Variants in RAPH1 observed in about 807,000 individuals in gnomAD.
RAPH1 encodes Ras association (RalGDS/AF-6) and pleckstrin homology domains 1, also known as ras-associated and pleckstrin homology domains-containing protein 1.
RAPH1 carries 18 observed loss-of-function variants against 88.1 expected under a neutral mutation model. That is an observed-to-expected ratio of 0.20 (90% CI 0.14 to 0.30). The LOEUF (loss-of-function observed/expected upper bound fraction) is 0.30. RAPH1 is among the 10% of genes least tolerant of loss of function. The probability of loss-of-function intolerance (pLI) is 1.00; values close to 1 mark genes in which losing one functional copy is unlikely to be tolerated. For synonymous variants in RAPH1, 587 were observed against 559.0 expected, an observed-to-expected ratio of 1.05 and a Z score of -0.71; for missense variants, 1,448 against 1,543.2, an observed-to-expected ratio of 0.94 and a Z score of 1.03.
chr2:203,468,066 T>C (rs1476011706), intron 4 of RAPH1, among the ~76,000 whole-genome samples: 1 of 152,192 alleles, frequency 6.6e-6, no homozygotes, highest in Non-Finnish European at 1.5e-5. Context: ...CCACTGACCA[T>C]GTTTATCCAA....
rs77601285 is a variant in RAPH1 at position 203,498,529 on chromosome 2, C to T, written c.1-3176G>A. Among the ~76,000 whole-genome samples the T allele has an allele frequency of 1.1e-3, 170 of 152,284 alleles. 6 individuals carry two copies. In the East Asian group the frequency reaches 0.032, roughly 29 times the overall value. Reference sequence around the variant, plus strand: ...ATCAGAAAGGGTGGCAAGCTCCGTTCTTGGAGAAGGGCTTAGAGGACAGCA... The same window carrying T: ...ATCAGAAAGGGTGGCAAGCTCCGTTTTTGGAGAAGGGCTTAGAGGACAGCA... On this transcript the variant is annotated intron_variant, in intron 1 of 13. Coordinates refer to ENST00000319170, the MANE Select transcript of RAPH1 (RefSeq NM_213589.3).
intron 1 of RAPH1, among the ~76,000 whole-genome samples, chr2:203,525,850 A>G (rs2105986318): frequency 6.6e-6 from 1 of 152,296 alleles, no homozygotes; most frequent in Admixed American, 6.5e-5. Flanking sequence ...GATTTAATTA[A>G]TACAAAGTTA....
intron 1 of RAPH1, among the ~76,000 whole-genome samples, chr2:203,529,922 G>A (rs1217505255): frequency 6.6e-6 from 1 of 151,964 alleles, no homozygotes; most frequent in Non-Finnish European, 1.5e-5. Flanking sequence ...CTTCTTTGTG[G>A]TCCCTGCGTC....
chr2:203,517,359 CAAAAAAAAAAAAA>C (rs71408943), intron 1 of RAPH1, among the ~76,000 whole-genome samples: 2 of 32,150 alleles, frequency 6.2e-5, no homozygotes, highest in Admixed American at 8.0e-4. Context: ...CTATGAGAGG[CAAAAAAAAAAAAA>C]AAAAAAAAAA....
At chr2:203,521,970 G>A (rs1488698868) in intron 1 of RAPH1, among the ~76,000 whole-genome samples, 1 of 152,066 alleles carries the variant, frequency 6.6e-6, no homozygotes, top group Non-Finnish European at 1.5e-5. Flanking sequence ...AAGAAAAAAG[G>A]AAACTACAAA....
intron 1 of RAPH1, among the ~76,000 whole-genome samples, chr2:203,526,737 A>C: frequency 6.7e-6 from 1 of 149,750 alleles, no homozygotes; most frequent in South Asian, 2.1e-4. Flanking sequence ...AATACAATAC[A>C]CTATGAAGTG....
intron 1 of RAPH1, among the ~76,000 whole-genome samples, chr2:203,506,820 C>CTA (rs1228434767): frequency 1.1e-4 from 8 of 70,642 alleles, no homozygotes; most frequent in Admixed American, 7.3e-4. Context: ...ATCTATATAT[C>CTA]TATATATATA....
intron 4 of RAPH1, among the ~76,000 whole-genome samples, chr2:203,488,499 G>T (rs1408562526): frequency 7.3e-6 from 1 of 136,900 alleles, no homozygotes; most frequent in African/African-American, 2.7e-5. Flanking sequence ...TGAGGCAGGA[G>T]AATCACTTAA....
chr2:203,441,928 G>A, intron 13 of RAPH1: 1 of 1,368,418 alleles, frequency 7.3e-7, no homozygotes, highest in East Asian at 2.9e-5. Context: ...AGCTGACACA[G>A]GAGAGTATGA....
chr2:203,503,086 G>A (rs188208204), intron 1 of RAPH1, among the ~76,000 whole-genome samples: 1 of 152,308 alleles, frequency 6.6e-6, no homozygotes, highest in East Asian at 1.9e-4. Context: ...AGAGGTTGCA[G>A]TGAGCCAAGA....
chr2:203,532,190 G>A (rs1173574232), intron 1 of RAPH1, among the ~76,000 whole-genome samples: 1 of 152,128 alleles, frequency 6.6e-6, no homozygotes, highest in Non-Finnish European at 1.5e-5. Context: ...GAGGGAAGTG[G>A]ATAGTTACTG....
In RAPH1 at chr2:203,438,515, GAACATTAC is replaced by G. The variant is rs958947378; in HGVS notation, c.*914_*921del. ...GGTGACCCAAAGACATACTGGGACA[GAACATTAC>G]AGAGATAACTGTGTTATCCATCCTC... On this transcript the variant is annotated 3_prime_UTR_variant, in exon 14 of 14. Transcript: ENST00000319170. The G allele has an allele frequency of 2.4e-4, 52 of 212,368 alleles. No individual in the cohort carries two copies. The highest frequency in any genetic ancestry group is 4.5e-4 in the Non-Finnish European group (47 of 105,346). 13.2% of individuals were successfully genotyped at this position (212,368 alleles called of 1,614,324 possible). A position where few individuals can be genotyped will look rare whatever the true frequency, so the allele number is the denominator to read the frequency against.
intron 7 of RAPH1, 131 bp from the exon 8 acceptor site, chr2:203,457,726 C>T (rs1038449878): frequency 2.8e-5 from 21 of 743,316 alleles, no homozygotes; most frequent in Non-Finnish European, 4.5e-5. Context: ...ACTCTGATTT[C>T]TGTTGGTATA....
At chr2:203,472,705 T>A (rs1222225436) in intron 4 of RAPH1, among the ~76,000 whole-genome samples, 2 of 152,168 alleles carry the variant, frequency 1.3e-5, no homozygotes, top group African/African-American at 2.4e-5. Flanking sequence ...ATTTCAAATT[T>A]AAAAAAATAA....
chr2:203,459,206 T>C (rs182137372), intron 7 of RAPH1, among the ~76,000 whole-genome samples: 113 of 152,322 alleles, frequency 7.4e-4, no homozygotes, highest in Middle Eastern at 3.4e-3. Context: ...AAAAGATCTG[T>C]TGATACCCCC....
intron 4 of RAPH1, among the ~76,000 whole-genome samples, chr2:203,483,233 T>C (rs1022439929): frequency 1.2e-4 from 18 of 152,162 alleles, no homozygotes; most frequent in South Asian, 8.3e-4. Context: ...GTGTGGATGA[T>C]AGACTGTTAA....
At position 203,490,019 on chromosome 2, in the gene RAPH1, C is replaced by T; in HGVS notation, c.297G>A (p.Glu99=). The change falls in exon 4 of 14, where the codon GAG becomes GAA. Residue 99 remains glutamate, a synonymous_variant. Transcript: ENST00000319170. ...LMADLCSIEQ[E]LSSIGSGNSK... is the part of the protein sequence containing the mutation. ...TGTTTCCTGAACCAATGCTGCTGAG[C>T]TCCTGCTCTATAGAGCAAAGATCAG... The T allele has an allele frequency of 1.2e-6, 2 of 1,614,154 alleles. No homozygotes were observed. The highest frequency in any genetic ancestry group is 1.7e-6 in the Non-Finnish European group (2 of 1,179,980).
chr2:203,471,942 T>C (rs1224041512), intron 4 of RAPH1, among the ~76,000 whole-genome samples: 2 of 152,026 alleles, frequency 1.3e-5, no homozygotes, highest in Non-Finnish European at 2.9e-5. Context: ...TTTAACTAGA[T>C]TGTGTAGTCC....
chr2:203,458,629 T>G (rs973960823), intron 7 of RAPH1, among the ~76,000 whole-genome samples: 6 of 152,236 alleles, frequency 3.9e-5, no homozygotes, highest in South Asian at 2.1e-4. Flanking sequence ...TTCAATGCAG[T>G]ACTCAAGCGT....
Sources: allele counts gnomAD v4.1 joint callset (sites outside exome capture counted in the v4.1 genomes callset), GRCh38; gene constraint gnomAD v4.1.1; transcripts MANE v1.5; gene names NCBI Gene and HGNC (gene_info 2026-07-23, HGNC 2026-07-21).